Variants in ATP8B1 observed in about 807,000 individuals in gnomAD.
The protein encoded by ATP8B1 is ATPase phospholipid transporting 8B1, also known as phospholipid-transporting ATPase IC.
Under a neutral mutation model 149.9 loss-of-function variants are expected in ATP8B1, and 80 were observed. The observed-to-expected ratio is 0.53, with a 90% confidence interval of 0.45 to 0.64. ATP8B1 has a LOEUF of 0.64. Among genes scored for constraint, ATP8B1 ranks in the 30% least tolerant of loss-of-function variants. The pLI is 0.00. For synonymous variants in ATP8B1, 536 were observed against 562.8 expected, an observed-to-expected ratio of 0.95 and a Z score of 0.67; for missense variants, 1,247 against 1,552.6, an observed-to-expected ratio of 0.80 and a Z score of 3.31.
chr18:57,780,341 G>T (rs1275159720), intron 1 of ATP8B1, among the ~76,000 whole-genome samples: 2 of 152,170 alleles, frequency 1.3e-5, no homozygotes, highest in African/African-American at 4.8e-5. Flanking sequence ...AGACTTTATA[G>T]AATTCACCCA....
At position 57,775,001 on chromosome 18, in the gene ATP8B1, G is replaced by T. The variant is rs554716559; in HGVS notation, c.-26+27997C>A. 2.0e-5 allele frequency among the ~76,000 whole-genome samples: 3 copies of T among 152,262 alleles called. No individual in the cohort carries two copies. The East Asian group carries it at 5.8e-4, about 29-fold the overall frequency. ...ACCCAGGACAGAGCCTGGCACAGAG[G>T]AGATGAGAAAGAGAAGGAAGGAGAG... On this transcript the variant is annotated intron_variant, in intron 1 of 27. Coordinates refer to ENST00000648908, the MANE Select transcript of ATP8B1 (RefSeq NM_001374385.1).
chr18:57,725,270 A>AAGGAT (rs2079696029), intron 2 of ATP8B1, among the ~76,000 whole-genome samples: 2 of 151,768 alleles, frequency 1.3e-5, no homozygotes, highest in African/African-American at 4.8e-5. Flanking sequence ...AAGAAAAAAA[A>AAGGAT]TAATCCCATT....
At chr18:57,689,508 A>G (rs1912423241) in intron 12 of ATP8B1, among the ~76,000 whole-genome samples, 1 of 152,218 alleles carries the variant, frequency 6.6e-6, no homozygotes, top group Admixed American at 6.5e-5. Context: ...GTCCTTAACA[A>G]GTTAAACAGA....
rs5825235 is a variant in ATP8B1, at chr18:57,768,586, CAAAAAA to C, written c.-26+34406_-26+34411del. Among the ~76,000 whole-genome samples, 510 of 96,986 alleles carry C rather than the reference CAAAAAA, an allele frequency of 5.3e-3. 6 individuals are homozygous for C. The highest frequency in any genetic ancestry group is 0.019 in the African/African-American group (487 of 25,488). 63.6% of individuals were successfully genotyped at this position (96,986 alleles called of 152,430 possible). ...AAGGCCATTTTTACTGTTTACATGC[CAAAAAA>C]AAAAAAAAAAAGCTAAGCTTTTAAA... On this transcript the variant is annotated intron_variant, in intron 1 of 27. Transcript: ENST00000648908.
At position 57,647,005 on chromosome 18, in the gene ATP8B1, A is replaced by G. The variant is rs1909218002; in HGVS notation, c.*1483T>C. The G allele has an allele frequency of 6.6e-6, 1 of 152,224 alleles. No homozygotes were observed. The highest frequency in any genetic ancestry group is 2.4e-5 in the African/African-American group (1 of 41,468). The allele number at this position is 152,224 out of a possible 1,614,324, so 9.4% of individuals were successfully genotyped here. Reference sequence around the variant, plus strand: ...ATCTTCAAATTTAAAAGGACACACCATTCCCCAGTCTTAGGAATGTGGCTG... The same window carrying G: ...ATCTTCAAATTTAAAAGGACACACCGTTCCCCAGTCTTAGGAATGTGGCTG... On this transcript the variant is annotated 3_prime_UTR_variant, in exon 28 of 28. Transcript: ENST00000648908.
intron 1 of ATP8B1, among the ~76,000 whole-genome samples, chr18:57,791,970 A>G (rs2080468371): frequency 6.6e-6 from 1 of 152,230 alleles, no homozygotes; most frequent in African/African-American, 2.4e-5. Context: ...GCACCTGGCA[A>G]CGTAGTGGGT....
At chr18:57,734,012 A>G (rs1309898960) in intron 1 of ATP8B1, 2 of 152,206 alleles carry the variant, frequency 1.3e-5, no homozygotes, top group African/African-American at 4.8e-5. Flanking sequence ...AAATTGTGGC[A>G]TCTCATATTA....
chr18:57,713,187 CT>C (rs1568207434), intron 2 of ATP8B1, among the ~76,000 whole-genome samples: 90 of 98,222 alleles, frequency 9.2e-4, no homozygotes, highest in Middle Eastern at 4.4e-3. Context: ...TTCTTTCTTT[CT>C]TTCTTTCTTT....
At chr18:57,684,586 A>G (rs761461408) in intron 14 of ATP8B1, among the ~76,000 whole-genome samples, 76 of 152,180 alleles carry the variant, frequency 5.0e-4, no homozygotes, top group Non-Finnish European at 9.0e-4. Flanking sequence ...CCTTGACTCA[A>G]TTGATCTGCC....
intron 18 of ATP8B1, 27 bp downstream of exon 18, chr18:57,669,291 G>C (rs772310022): frequency 1.3e-6 from 2 of 1,573,408 alleles, no homozygotes; most frequent in African/African-American, 2.7e-5. Flanking sequence ...GAATATCAAA[G>C]AAAAAGTTAT....
At chr18:57,776,371 A>T (rs902335463) in intron 1 of ATP8B1, among the ~76,000 whole-genome samples, 2 of 152,262 alleles carry the variant, frequency 1.3e-5, no homozygotes, top group African/African-American at 4.8e-5. Flanking sequence ...TTAGGCTTCT[A>T]CCACTCTTGA....
intron 6 of ATP8B1, among the ~76,000 whole-genome samples, chr18:57,698,761 G>C (rs1912962462): frequency 6.6e-6 from 1 of 152,200 alleles, no homozygotes; most frequent in Non-Finnish European, 1.5e-5. Context: ...ACCACAACTT[G>C]TGTTTACACA....
At chr18:57,776,298 G>C (rs1184179462) in intron 1 of ATP8B1, among the ~76,000 whole-genome samples, 1 of 152,212 alleles carries the variant, frequency 6.6e-6, no homozygotes, top group Admixed American at 6.5e-5. Context: ...TGGGCATGCT[G>C]CTATAATTTT....
chr18:57,649,696 G>A (rs1242773656), intron 27 of ATP8B1, among the ~76,000 whole-genome samples: 1 of 152,080 alleles, frequency 6.6e-6, no homozygotes, highest in African/African-American at 2.4e-5. Context: ...ATTTTGGCAC[G>A]TGAGACCTGA....
chr18:57,660,204 C>G (rs1334050136), intron 22 of ATP8B1, among the ~76,000 whole-genome samples: 1 of 152,178 alleles, frequency 6.6e-6, no homozygotes, highest in Non-Finnish European at 1.5e-5. Context: ...AATACCAGCA[C>G]AACTGTATTT....
In ATP8B1 at chr18:57,662,733, A is replaced by G. The variant is rs940334870; in HGVS notation, c.2286-118T>C. ...AAAAACAAAGTTTACCATCTTACCT[A>G]TTTTTGTTTCTTTATTTTATTTTCA... On this transcript the variant is annotated intron_variant, in intron 20 of 27. Transcript: ENST00000648908. 4 of 1,157,850 alleles carry G rather than the reference A, an allele frequency of 3.5e-6. No individual in the cohort carries two copies. The African/African-American group carries it at 6.3e-5, about 18-fold the overall frequency. The allele number at this position is 1,157,850 out of a possible 1,614,324, so 71.7% of individuals were successfully genotyped here. A position where few individuals can be genotyped will look rare whatever the true frequency, so the allele number is the denominator to read the frequency against.
chr18:57,674,724 G>A (rs1911486742), intron 16 of ATP8B1, 110 bp downstream of exon 16: 6 of 1,282,944 alleles, frequency 4.7e-6, no homozygotes, highest in Non-Finnish European at 6.7e-6. Context: ...AAATCTCCCA[G>A]GAGCCAAGTA....
chr18:57,765,005 A>G (rs1299390016), intron 1 of ATP8B1, among the ~76,000 whole-genome samples: 30 of 152,262 alleles, frequency 2.0e-4, no homozygotes, highest in Admixed American at 1.9e-3. Context: ...TGTTCACAAC[A>G]GTGATATTCA....
chr18:57,792,582 G>A (rs1274130373), intron 1 of ATP8B1, among the ~76,000 whole-genome samples: 1 of 152,196 alleles, frequency 6.6e-6, no homozygotes, highest in Non-Finnish European at 1.5e-5. Context: ...GAGGCTGCCA[G>A]GGGCTGCGGG....
Sources: allele counts gnomAD v4.1 joint callset (sites outside exome capture counted in the v4.1 genomes callset), GRCh38; gene constraint gnomAD v4.1.1; transcripts MANE v1.5; gene names NCBI Gene and HGNC (gene_info 2026-07-23, HGNC 2026-07-21).